Variants in STOX1 observed in about 807,000 individuals in gnomAD.
The protein encoded by STOX1 is storkhead-box protein 1.
Under a neutral mutation model 74.8 loss-of-function variants are expected in STOX1, and 57 were observed. That is an observed-to-expected ratio of 0.76 (90% confidence interval 0.62 to 0.95). The LOEUF is 0.95. STOX1 is among the 40% of genes least tolerant of loss of function. STOX1 has a pLI of 0.00. For missense variants in STOX1, 1,010 were observed against 1,117.0 expected (o/e 0.90, Z 1.37); for synonymous variants, 375 against 401.3 (o/e 0.93, Z 0.78).
downstream of STOX1, among the ~76,000 whole-genome samples, chr10:68,894,729 AC>A (rs1841163136): frequency 6.6e-6 from 1 of 152,108 alleles, no homozygotes; most frequent in African/African-American, 2.4e-5. Flanking sequence ...TATTTTAACA[AC>A]GAAAAAAAAA....
chr10:68,893,976 T>A (rs1380196788), downstream of STOX1, among the ~76,000 whole-genome samples: 1 of 152,088 alleles, frequency 6.6e-6, no homozygotes. Flanking sequence ...TTCTCTTGGG[T>A]TTGGGGAATA....
intron 3 of STOX1, among the ~76,000 whole-genome samples, chr10:68,891,575 G>A (rs539995399): frequency 7.9e-5 from 12 of 152,142 alleles, no homozygotes; most frequent in Admixed American, 1.3e-4. Context: ...AGGCTGGAGC[G>A]GGTGGATCAC....
At chr10:68,879,641 C>CTA (rs2131988722) in intron 1 of STOX1, among the ~76,000 whole-genome samples, 1 of 152,248 alleles carries the variant, frequency 6.6e-6, no homozygotes, top group East Asian at 1.9e-4. Flanking sequence ...TCACTGGATC[C>CTA]TACTCCTTTC....
At chr10:68,837,624 T>G (rs968448095) in intron 1 of STOX1, among the ~76,000 whole-genome samples, 3 of 152,224 alleles carry the variant, frequency 2.0e-5, no homozygotes, top group Admixed American at 6.5e-5. Flanking sequence ...GGAAGGGTGA[T>G]GTAAGCCCCC....
In STOX1 at chr10:68,870,337, A is replaced by G. The variant is rs145511576; in HGVS notation, c.311-11621A>G. Among the ~76,000 whole-genome samples the G allele has an allele frequency of 6.4e-4, 98 of 152,264 alleles. 1 individual carries two copies. The East Asian group carries it at 0.016, about 25-fold the overall frequency. On this transcript the variant is annotated intron_variant, in intron 1 of 3. Coordinates refer to ENST00000298596, the MANE Select transcript of STOX1 (RefSeq NM_152709.5). Reference sequence around the variant, plus strand: ...TCTGTTCCAGGTTTCCTGGAGGTCAAAAAAAGGATGTTCTCCTGCATGACT... The same window carrying G: ...TCTGTTCCAGGTTTCCTGGAGGTCAGAAAAAGGATGTTCTCCTGCATGACT...
chr10:68,827,589 C>G lies in STOX1; in HGVS notation c.-35C>G. ...GTCGTAGCCGCCGCGCTCGCCGAGG[C>G]CCTGCGTTGCGGGCTCCCGGCCGCC... On this transcript the variant is annotated 5_prime_UTR_variant, in exon 1 of 4. Transcript: ENST00000298596. 8.9e-7 allele frequency: 1 copy of G among 1,125,316 alleles called. No individual in the cohort carries two copies. The highest frequency in any genetic ancestry group is 1.1e-6 in the Non-Finnish European group (1 of 919,286). The allele number at this position is 1,125,316 out of a possible 1,614,324, so 69.7% of individuals were successfully genotyped here.
intron 1 of STOX1, among the ~76,000 whole-genome samples, chr10:68,846,118 T>TA (rs1225451032): frequency 6.4e-4 from 57 of 89,434 alleles, no homozygotes; most frequent in Admixed American, 1.2e-3. Flanking sequence ...GGCTTGAGGT[T>TA]TTTATTATTA....
At position 68,882,070 on chromosome 10, in the gene STOX1, G is replaced by T; in HGVS notation, c.423G>T (p.Thr141=). 1 of 1,613,814 alleles carries T rather than the reference G, an allele frequency of 6.2e-7. No individual in the cohort carries two copies. The highest frequency in any genetic ancestry group is 1.3e-5 in the African/African-American group (1 of 75,000). Residue 141 remains threonine, a synonymous_variant, in exon 2 of 4, where the codon ACG becomes ACT. Transcript: ENST00000298596. The part of the protein sequence containing the change: ...SDMNTAQIVV[T]QESLLERLMK... ...TGAATACAGCTCAGATTGTAGTAAC[G>T]CAGGAATCACTTTTGGAGCGTTTGA...
At chr10:68,829,975 G>A (rs1839363511) in intron 1 of STOX1, among the ~76,000 whole-genome samples, 1 of 152,142 alleles carries the variant, frequency 6.6e-6, no homozygotes, top group Non-Finnish European at 1.5e-5. Context: ...CTTTCAAAGG[G>A]TGAGCACAGA....
Position 68,884,546 on chromosome 10 carries a change from G to T in STOX1, c.750G>T (p.Met250Ile), listed in dbSNP as rs146534993. 143 of 1,613,794 alleles carry T rather than the reference G, an allele frequency of 8.9e-5. No individual in the cohort carries two copies. In the East Asian group the frequency reaches 2.5e-3, roughly 29 times the overall value. Residue 250 changes from methionine (M) to isoleucine (I), a missense_variant, in exon 3 of 4, where the codon ATG becomes ATT. Met to Ile is a conservative substitution (Grantham distance 10). Transcript: ENST00000298596. ...AGTCTTGCCAGTGTTTCCGGGACAT[G>T]CACACTCAGGATGTTCAGGAAGCAC... ...HCQSCQCFRDMHTQDVQEAPV... is the reference protein window; with the variant it reads ...HCQSCQCFRDIHTQDVQEAPV...
chr10:68,885,637 A>C lies in STOX1; in HGVS notation c.1841A>C (p.Asn614Thr). Residue 614 changes from asparagine (N) to threonine (T), a missense_variant, in exon 3 of 4, where the codon AAT becomes ACT. By Grantham distance (65) the Asn-to-Thr change is moderately conservative (BLOSUM62 0). Transcript: ENST00000298596. ...AGATATGAAGTGTATGGTGGAGAAA[A>C]TGAGGTAATTCCTGAAGTCTTGAGG... ...MLRYEVYGGE[N>T]EVIPEVLRKS... The C allele has an allele frequency of 6.2e-7, 1 of 1,614,190 alleles. No individual in the cohort carries two copies.
intron 1 of STOX1, among the ~76,000 whole-genome samples, chr10:68,848,268 C>T (rs1564573471): frequency 6.6e-6 from 1 of 152,328 alleles, no homozygotes; most frequent in Non-Finnish European, 1.5e-5. Context: ...GGCCCTTAGT[C>T]CCTGCTAATG....
intron 1 of STOX1, among the ~76,000 whole-genome samples, chr10:68,870,849 C>G (rs1481467306): frequency 6.6e-6 from 1 of 152,152 alleles, no homozygotes; most frequent in African/African-American, 2.4e-5. Context: ...TGCCAAAAAC[C>G]TAAATGAGAG....
At position 68,884,629 on chromosome 10, in the gene STOX1, G is replaced by A. The variant is rs1840892517; in HGVS notation, c.833G>A (p.Trp278Ter). 6.2e-7 allele frequency: 1 copy of A among 1,614,030 alleles called. No homozygotes were observed. The highest frequency in any genetic ancestry group is 8.5e-7 in the Non-Finnish European group (1 of 1,180,042). Residue 278 changes from tryptophan (W) to a stop codon, truncating the protein, a stop_gained, in exon 3 of 4, where the codon TGG becomes TAG. Transcript: ENST00000298596. LOFTEE classifies it high-confidence loss of function. ...AGAGGTCTTGGGGAATCCGTATCTT[G>A]GGTACAGAATGGGGCAGTTTCAGTG... Reference protein sequence around the residue: ...SHRGLGESVSWVQNGAVSVSA... With the variant: ...SHRGLGESVS
chr10:68,873,551 G>A (rs1368518845), intron 1 of STOX1, among the ~76,000 whole-genome samples: 50 of 125,876 alleles, frequency 4.0e-4, no homozygotes, highest in African/African-American at 1.5e-3. Flanking sequence ...GTGAGCCACC[G>A]CGCCTGGCCT....
rs755762229 is a variant in STOX1 at position 68,886,181 on chromosome 10, A to G, written c.2385A>G (p.Lys795=). 7.2e-5 allele frequency: 116 copies of G among 1,613,998 alleles called. No individual in the cohort carries two copies. The highest frequency in any genetic ancestry group is 3.3e-4 in the Middle Eastern group (2 of 6,084). The change falls in exon 3 of 4, where the codon AAA becomes AAG. Residue 795 remains lysine, a synonymous_variant. Coordinates refer to ENST00000298596, the MANE Select transcript of STOX1 (RefSeq NM_152709.5). ...AGAGGGTTGAGTCTCAGGTGCTTAAAAGAAATGAATGCTACAAACCCACTG... is the reference window on the plus strand; with the variant it reads ...AGAGGGTTGAGTCTCAGGTGCTTAAGAGAAATGAATGCTACAAACCCACTG... ...TMERVESQVL[K]RNECYKPTGL... is the part of the protein sequence containing the mutation.
intron 1 of STOX1, among the ~76,000 whole-genome samples, chr10:68,855,198 G>A (rs1234972462): frequency 6.7e-6 from 1 of 148,524 alleles, no homozygotes; most frequent in African/African-American, 2.5e-5. Flanking sequence ...TTGGCTCACT[G>A]CAACCTCCGT....
intron 3 of STOX1, among the ~76,000 whole-genome samples, chr10:68,889,867 C>A (rs1841056636): frequency 6.6e-6 from 1 of 151,656 alleles, no homozygotes; most frequent in Admixed American, 6.6e-5. Flanking sequence ...TGGCCTCAAG[C>A]CTTTTTTTTT....
intron 3 of STOX1, among the ~76,000 whole-genome samples, chr10:68,891,402 G>A (rs571148119): frequency 2.0e-5 from 3 of 152,304 alleles, no homozygotes; most frequent in African/African-American, 7.2e-5. Flanking sequence ...ATGGAATTGA[G>A]TGATGGGCTG....
Sources: allele counts gnomAD v4.1 joint callset (sites outside exome capture counted in the v4.1 genomes callset), GRCh38; gene constraint gnomAD v4.1.1; transcripts MANE v1.5; gene names NCBI Gene and HGNC (gene_info 2026-07-23, HGNC 2026-07-21).